Variants in MTUS2 observed in about 807,000 individuals in gnomAD.
MTUS2 encodes microtubule associated scaffold protein 2, also known as microtubule-associated tumor suppressor candidate 2.
Under a neutral mutation model 114.1 loss-of-function variants are expected in MTUS2, and 40 were observed. The observed-to-expected ratio is 0.35, with a 90% CI of 0.27 to 0.46. The LOEUF (loss-of-function observed/expected upper bound fraction) is 0.46. MTUS2 is among the 20% of genes least tolerant of loss of function. The pLI is 1.00. For synonymous variants in MTUS2, 688 were observed against 672.0 expected, an observed-to-expected ratio of 1.02 and a Z score of -0.37; for missense variants, 1,679 against 1,705.4, an observed-to-expected ratio of 0.98 and a Z score of 0.27.
chr13:28,946,533 A>G (rs1882543621), intron 2 of MTUS2, among the ~76,000 whole-genome samples: 1 of 152,210 alleles, frequency 6.6e-6, no homozygotes, highest in Admixed American at 6.5e-5. Context: ...AACAACAACT[A>G]TTATGTAACA....
chr13:28,894,300 GA>G (rs1879118584), intron 2 of MTUS2, among the ~76,000 whole-genome samples: 3 of 14,414 alleles, frequency 2.1e-4, no homozygotes, highest in Non-Finnish European at 5.6e-4. Context: ...GAGAGAGAGA[GA>G]GAGGGGGGGG....
At chr13:29,166,147 A>G (rs1050115913) in intron 5 of MTUS2, among the ~76,000 whole-genome samples, 23 of 152,202 alleles carry the variant, frequency 1.5e-4, no homozygotes, top group African/African-American at 5.5e-4. Context: ...TCTAAGTAGA[A>G]TGAGGACACA....
chr13:29,473,696 C>T (rs1279641158), intron 9 of MTUS2, among the ~76,000 whole-genome samples: 1 of 151,988 alleles, frequency 6.6e-6, no homozygotes, highest in Admixed American at 6.6e-5. Context: ...GATTATAATC[C>T]TACTTTTGCT....
rs758455778 is a variant in MTUS2 at position 29,354,566 on chromosome 13, G to A, written c.2906-4696G>A. 3.9e-4 allele frequency among the ~76,000 whole-genome samples: 60 copies of A among 152,110 alleles called. 1 individual carries two copies. The highest frequency in any genetic ancestry group is 1.4e-3 in the African/African-American group (58 of 41,482). Reference sequence around the variant, plus strand: ...CTGATTGTAGCTTCCTGTTTTTCTGGTTCTTCTGTACATCAAAATAAAAAA... The same window carrying A: ...CTGATTGTAGCTTCCTGTTTTTCTGATTCTTCTGTACATCAAAATAAAAAA... On this transcript the variant is annotated intron_variant, in intron 7 of 15. Coordinates refer to ENST00000612955, the MANE Select transcript of MTUS2 (RefSeq NM_001033602.4).
chr13:29,001,625 T>A (rs1348431614), intron 2 of MTUS2, among the ~76,000 whole-genome samples: 2 of 152,164 alleles, frequency 1.3e-5, no homozygotes, highest in African/African-American at 4.8e-5. Context: ...CTGTTCAACA[T>A]CTGTGCTGAT....
intron 12 of MTUS2, among the ~76,000 whole-genome samples, chr13:29,495,222 G>C (rs1203270685): frequency 1.3e-5 from 2 of 148,540 alleles, no homozygotes; most frequent in African/African-American, 5.0e-5. Context: ...GTCAGATGTG[G>C]TGGTGGGGGC....
At chr13:29,230,933 G>T (rs1896298946) in intron 5 of MTUS2, among the ~76,000 whole-genome samples, 1 of 152,094 alleles carries the variant, frequency 6.6e-6, no homozygotes, top group Admixed American at 6.5e-5. Context: ...ATTGGATTTT[G>T]CCTGCATTAC....
chr13:29,165,409 A>G (rs1893275412), intron 5 of MTUS2, among the ~76,000 whole-genome samples: 1 of 152,172 alleles, frequency 6.6e-6, no homozygotes, highest in Non-Finnish European at 1.5e-5. Flanking sequence ...TTGTAGTTAC[A>G]TTTAAGATCA....
intron 5 of MTUS2, among the ~76,000 whole-genome samples, chr13:29,212,987 C>T (rs1895513790): frequency 6.6e-6 from 1 of 152,040 alleles, no homozygotes; most frequent in Admixed American, 6.5e-5. Flanking sequence ...CAAAACTATC[C>T]AGGAACCACC....
chr13:29,247,010 A>G (rs1369387400), intron 5 of MTUS2, among the ~76,000 whole-genome samples: 1 of 152,222 alleles, frequency 6.6e-6, no homozygotes, highest in African/African-American at 2.4e-5. Context: ...CCTGACTTCA[A>G]ACTATACTGT....
At chr13:29,493,438 A>G (rs1431140868) in intron 12 of MTUS2, among the ~76,000 whole-genome samples, 1 of 152,168 alleles carries the variant, frequency 6.6e-6, no homozygotes, top group Non-Finnish European at 1.5e-5. Flanking sequence ...AGCAATTCCA[A>G]TCACAGCAAA....
chr13:29,237,277 A>G (rs1350658383), intron 5 of MTUS2, among the ~76,000 whole-genome samples: 1 of 152,178 alleles, frequency 6.6e-6, no homozygotes, highest in African/African-American at 2.4e-5. Flanking sequence ...TATCCTTTAC[A>G]GATGATTTTA....
chr13:29,485,828 A>C (rs1270872389), intron 10 of MTUS2, among the ~76,000 whole-genome samples: 1 of 144,442 alleles, frequency 6.9e-6, no homozygotes, highest in African/African-American at 2.6e-5. Context: ...ACTCATGATC[A>C]TTTGTGTAAG....
At chr13:28,942,436 C>T (rs1369078961) in intron 2 of MTUS2, among the ~76,000 whole-genome samples, 1 of 152,124 alleles carries the variant, frequency 6.6e-6, no homozygotes, top group African/African-American at 2.4e-5. Context: ...ATTTGCATGC[C>T]TTATAGACTA....
intron 1 of MTUS2, among the ~76,000 whole-genome samples, chr13:28,827,938 G>T (rs1379651871): frequency 1.3e-5 from 2 of 152,172 alleles, no homozygotes; most frequent in Non-Finnish European, 2.9e-5. Flanking sequence ...GGCATGCATT[G>T]TCATTGATAA....
intron 2 of MTUS2, among the ~76,000 whole-genome samples, chr13:28,911,307 C>A (rs1252367029): frequency 2.6e-5 from 4 of 151,104 alleles, no homozygotes; most frequent in Non-Finnish European, 5.9e-5. Flanking sequence ...TCCCAAGTAG[C>A]TGGGACTACA....
intron 2 of MTUS2, among the ~76,000 whole-genome samples, chr13:28,917,820 T>C (rs2138040221): frequency 6.6e-6 from 1 of 152,042 alleles, no homozygotes; most frequent in East Asian, 1.9e-4. Flanking sequence ...GGTTGTTTGT[T>C]TGATGTTTTT....
rs373353947 is a variant in MTUS2 at position 28,936,884 on chromosome 13, G to A, written c.-242-87573G>A. Reference sequence around the variant, plus strand: ...AGCCTGTCTGTTAATATTCAAAATGGTGTGTGGCTTCTGCTACTTGGGAGT... The same window carrying A: ...AGCCTGTCTGTTAATATTCAAAATGATGTGTGGCTTCTGCTACTTGGGAGT... On this transcript the variant is annotated intron_variant, in intron 2 of 15. Transcript: ENST00000612955. 3.3e-5 allele frequency among the ~76,000 whole-genome samples: 5 copies of A among 152,256 alleles called. No homozygotes were observed. In the East Asian group the frequency reaches 5.8e-4, roughly 18 times the overall value.
At chr13:29,091,225 C>G (rs902540696) in intron 4 of MTUS2, among the ~76,000 whole-genome samples, 1 of 152,254 alleles carries the variant, frequency 6.6e-6, no homozygotes, top group African/African-American at 2.4e-5. Flanking sequence ...ATCTAGTCAG[C>G]CATCCTGCCC....
Sources: gnomAD v4.1 joint callset for allele counts (sites outside exome capture counted in the v4.1 genomes callset) on GRCh38, gnomAD v4.1.1 for gene constraint, MANE v1.5 for transcripts, NCBI Gene and HGNC (gene_info 2026-07-23, HGNC 2026-07-21) for gene names.